Variants in KDM7A observed in about 807,000 individuals in gnomAD.
KDM7A encodes lysine-specific demethylase 7A.
A neutral mutation model predicts 114.8 loss-of-function variants in KDM7A; 28 were observed. The ratio of observed to expected loss-of-function variants is 0.24; its 90% CI spans 0.18 to 0.33. The LOEUF (loss-of-function observed/expected upper bound fraction) is 0.33, where lower values mean the gene tolerates loss of function less well. Ranked by LOEUF, KDM7A falls within the 10% of genes least tolerant of loss-of-function variation. KDM7A has a pLI of 1.00. For synonymous variants in KDM7A, 423 were observed against 397.8 expected, an observed-to-expected ratio of 1.06 and a Z score of -0.75; for missense variants, 942 against 1,142.5, an observed-to-expected ratio of 0.82 and a Z score of 2.53.
chr7:140,096,833 C>G, intron 16 of KDM7A, 66 bp downstream of exon 16: 1 of 1,587,834 alleles, frequency 6.3e-7, no homozygotes, highest in Non-Finnish European at 8.6e-7. Context: ...AAATTTAAAA[C>G]TAAAAAAAGT....
Position 140,085,966 on chromosome 7 carries a change from A to G in KDM7A, c.*5128T>C, listed in dbSNP as rs1032097220. 15 of 152,364 alleles carry G rather than the reference A, an allele frequency of 9.8e-5. No homozygotes were observed. Among genetic ancestry groups the G allele is most frequent in the South Asian group, 4.1e-4 (2 of 4,830 alleles). 9.4% of individuals were successfully genotyped at this position (152,364 alleles called of 1,614,324 possible). A position where few individuals can be genotyped will look rare whatever the true frequency, so the allele number is the denominator to read the frequency against. The stretch of plus-strand genomic sequence containing the variant: ...TATGTCTGGGTTATTTTATGCCTGC[A>G]AAGTATTATATATTCCAGCACTTAT... On this transcript the variant is annotated 3_prime_UTR_variant, in exon 20 of 20. Coordinates refer to ENST00000397560, the MANE Select transcript of KDM7A (RefSeq NM_030647.2).
At chr7:140,092,339 T>TA (rs1818036087) in intron 18 of KDM7A, among the ~76,000 whole-genome samples, 1 of 152,198 alleles carries the variant, frequency 6.6e-6, no homozygotes, top group African/African-American at 2.4e-5. Flanking sequence ...CACCACGCCC[T>TA]ACTTGCTACT....
chr7:140,118,039 T>C (rs1818559988), intron 9 of KDM7A, among the ~76,000 whole-genome samples: 1 of 152,248 alleles, frequency 6.6e-6, no homozygotes, highest in Non-Finnish European at 1.5e-5. Context: ...TTTTTGGTTA[T>C]TTCTTTTCAT....
At chr7:140,110,152 G>A (rs1818409263) in intron 11 of KDM7A, among the ~76,000 whole-genome samples, 1 of 147,744 alleles carries the variant, frequency 6.8e-6, no homozygotes, top group African/African-American at 2.5e-5. Flanking sequence ...TTTAACTACT[G>A]TTTTACTTCC....
intron 3 of KDM7A, 34 bp downstream of exon 3, chr7:140,133,505 T>C: frequency 4.1e-6 from 5 of 1,216,572 alleles, no homozygotes; most frequent in Non-Finnish European, 6.1e-6. Flanking sequence ...TCTTACATTC[T>C]TACATTTTCT....
chr7:140,099,297 C>A (rs1356837843), intron 13 of KDM7A, among the ~76,000 whole-genome samples: 1 of 152,110 alleles, frequency 6.6e-6, no homozygotes, highest in Admixed American at 6.5e-5. Context: ...TGGGCTCAAG[C>A]GATCCTCTCA....
Position 140,090,460 on chromosome 7 carries a change from T to C in KDM7A, c.*634A>G, listed in dbSNP as rs1585134235. ...TGTTAGCAAAAGCGAAGCTAATAGC[T>C]TATAAAAAACACATGAAATATATAA... On this transcript the variant is annotated 3_prime_UTR_variant, in exon 20 of 20. Coordinates refer to ENST00000397560, the MANE Select transcript of KDM7A (RefSeq NM_030647.2). 1 of 152,164 alleles carries C rather than the reference T, an allele frequency of 6.6e-6. No homozygotes were observed. The highest frequency in any genetic ancestry group is 1.9e-4 in the East Asian group (1 of 5,204). 9.4% of individuals were successfully genotyped at this position (152,164 alleles called of 1,614,324 possible).
intron 1 of KDM7A, among the ~76,000 whole-genome samples, chr7:140,156,282 G>C (rs1794457157): frequency 6.6e-6 from 1 of 152,162 alleles, no homozygotes; most frequent in Non-Finnish European, 1.5e-5. Flanking sequence ...AATACATTTT[G>C]CACACAGACA....
chr7:140,100,741 T>TATATATATATATATATATAC (rs1562946178), intron 12 of KDM7A, among the ~76,000 whole-genome samples: 2 of 45,586 alleles, frequency 4.4e-5, no homozygotes, highest in South Asian at 1.6e-3. Flanking sequence ...TATATATATA[T>TATATATATATATATATATAC]ACATATATAT....
intron 9 of KDM7A, among the ~76,000 whole-genome samples, chr7:140,114,893 G>A (rs1334598907): frequency 7.3e-5 from 8 of 109,310 alleles, no homozygotes; most frequent in African/African-American, 1.8e-4. Flanking sequence ...CCCTCCGCCC[G>A]GAAGCCGCCC....
intron 1 of KDM7A, among the ~76,000 whole-genome samples, chr7:140,172,774 T>C (rs1585172874): frequency 6.6e-6 from 1 of 152,292 alleles, no homozygotes; most frequent in East Asian, 1.9e-4. Flanking sequence ...ACATTAAAGA[T>C]ACAGGAAAAA....
intron 1 of KDM7A, among the ~76,000 whole-genome samples, chr7:140,167,545 G>A (rs1347230801): frequency 2.0e-5 from 3 of 151,802 alleles, no homozygotes; most frequent in Admixed American, 6.6e-5. Context: ...AATAGTACTG[G>A]GACAACTGGA....
intron 11 of KDM7A, among the ~76,000 whole-genome samples, chr7:140,107,949 T>G (rs1818367266): frequency 6.6e-6 from 1 of 152,212 alleles, no homozygotes; most frequent in Admixed American, 6.5e-5. Context: ...AGTCCCATAT[T>G]TCTTGGAGGC....
At chr7:140,099,749 T>C in intron 13 of KDM7A, 150 bp downstream of exon 13, 2 of 664,932 alleles carry the variant, frequency 3.0e-6, no homozygotes, top group Non-Finnish European at 2.7e-6. Context: ...GTGCAACAGT[T>C]TAATCCCAAA....
chr7:140,147,795 C>T (rs931887054), intron 1 of KDM7A, among the ~76,000 whole-genome samples: 2 of 152,164 alleles, frequency 1.3e-5, no homozygotes, highest in African/African-American at 4.8e-5. Context: ...TCTACTACCT[C>T]CATGACACCG....
intron 2 of KDM7A, 53 bp downstream of exon 2, chr7:140,139,052 G>T: frequency 8.5e-7 from 1 of 1,170,906 alleles, no homozygotes. Flanking sequence ...ATGTAAGTTT[G>T]AAATGTCAGT....
chr7:140,174,883 G>C (rs1333874894), intron 1 of KDM7A, among the ~76,000 whole-genome samples: 1 of 152,170 alleles, frequency 6.6e-6, no homozygotes, highest in Non-Finnish European at 1.5e-5. Context: ...CCAAAGTGCT[G>C]GGATTACAGG....
At chr7:140,111,282 T>C (rs1365864349) in intron 10 of KDM7A, 98 bp from the exon 11 acceptor site, 1 of 700,148 alleles carries the variant, frequency 1.4e-6, no homozygotes, top group Non-Finnish European at 2.4e-6. Flanking sequence ...CTCTAAACTG[T>C]TACAGACATC....
Position 140,107,453 on chromosome 7 carries a change from G to C in KDM7A, c.1428+3642C>G, listed in dbSNP as rs1018866568. Among the ~76,000 whole-genome samples the C allele has an allele frequency of 3.9e-5, 6 of 152,102 alleles. No individual in the cohort carries two copies. In the South Asian group the frequency reaches 1.2e-3, roughly 32 times the overall value. On this transcript the variant is annotated intron_variant, in intron 11 of 19. Coordinates refer to ENST00000397560, the MANE Select transcript of KDM7A (RefSeq NM_030647.2). ...TTTAGTGCTTCCTTCAGGAGCTCTT[G>C]TAAGGCAGGCCTGGTGGTGACAAAA...
Sources: gnomAD v4.1 joint callset for allele counts (sites outside exome capture counted in the v4.1 genomes callset) on GRCh38, gnomAD v4.1.1 for gene constraint, MANE v1.5 for transcripts, NCBI Gene and HGNC (gene_info 2026-07-23, HGNC 2026-07-21) for gene names.